Variants in PAM observed in about 807,000 individuals in gnomAD.
The protein encoded by PAM is peptidyl-glycine alpha-amidating monooxygenase.
In PAM, 72 loss-of-function variants were observed where a neutral mutation model predicts 122.1. That is an observed-to-expected ratio of 0.59 (90% CI 0.49 to 0.72). The LOEUF is 0.72. PAM is among the 30% of genes least tolerant of loss of function. The probability of loss-of-function intolerance (pLI) is 0.00; values close to 1 mark genes in which losing one functional copy is unlikely to be tolerated. For synonymous variants in PAM, 389 were observed against 404.4 expected, an observed-to-expected ratio of 0.96 and a Z score of 0.46; for missense variants, 1,106 against 1,183.7, an observed-to-expected ratio of 0.93 and a Z score of 0.96.
intron 23 of PAM, among the ~76,000 whole-genome samples, chr5:103,021,552 A>C (rs1001166402): frequency 6.6e-6 from 1 of 152,128 alleles, no homozygotes; most frequent in Non-Finnish European, 1.5e-5. Flanking sequence ...TTGGTCAGAA[A>C]CCTTCCGACT....
rs1381281913 is a variant in PAM at position 102,974,163 on chromosome 5, G to A, written c.1210G>A (p.Val404Ile). ...CAAGCTGCTAGGAGAAAGGGAAGAT[G>A]TTGTTCATGTGCACAAATATAATCC... ...LSKLLGERED[V>I]VHVHKYNPTE... Residue 404 changes from valine (V) to isoleucine (I), a missense_variant, in exon 15 of 26, where the codon GTT (valine) becomes ATT (isoleucine). Val to Ile is a conservative substitution (Grantham distance 29). Around this residue, in one of 3 missense-constraint regions of PAM, gnomAD observed 670 missense variants for 690.3 expected, o/e 0.97. Coordinates refer to ENST00000438793, the MANE Select transcript of PAM (RefSeq NM_001177306.2). 1.5e-5 allele frequency: 25 copies of A among 1,613,862 alleles called. No homozygotes were observed. The highest frequency in any genetic ancestry group is 1.9e-5 in the Non-Finnish European group (22 of 1,179,818).
chr5:102,965,162 GAC>G (rs66633444), intron 14 of PAM, among the ~76,000 whole-genome samples: 577 of 138,646 alleles, frequency 4.2e-3, no homozygotes, highest in East Asian at 0.014. Flanking sequence ...TTCCAAAGCA[GAC>G]ACACACACAC....
chr5:103,007,192 T>TACACACACACACACACACACACACAC (rs56140031), intron 19 of PAM, among the ~76,000 whole-genome samples, 181 bp downstream of exon 19: 43 of 141,550 alleles, frequency 3.0e-4, no homozygotes, highest in African/African-American at 8.0e-4. Flanking sequence ...CACATATACA[T>TACACACACACACACACACACACACAC]ACACACACAC....
rs1796515813 is a variant in PAM at position 102,897,416 on chromosome 5, A to G, written c.211-3940A>G. ...CCTATTGCATATATTTATGGTGTACATCATGCTGTTTTAATATTCATATAC... is the reference window on the plus strand; with the variant it reads ...CCTATTGCATATATTTATGGTGTACGTCATGCTGTTTTAATATTCATATAC... On this transcript the variant is annotated intron_variant, in intron 3 of 25. Coordinates refer to ENST00000438793, the MANE Select transcript of PAM (RefSeq NM_001177306.2). 2.0e-5 allele frequency among the ~76,000 whole-genome samples: 3 copies of G among 151,682 alleles called. No homozygotes were observed. In the South Asian group the frequency reaches 6.2e-4, roughly 31 times the overall value.
chr5:102,836,874 G>GAGAA (rs980187422), intron 1 of PAM, among the ~76,000 whole-genome samples: 3 of 151,452 alleles, frequency 2.0e-5, no homozygotes, highest in Non-Finnish European at 4.4e-5. Flanking sequence ...GAGAGAGAGA[G>GAGAA]AGAGAGAGAG....
At chr5:103,011,398 ACACTCT>A (rs1368577085) in intron 21 of PAM, among the ~76,000 whole-genome samples, 2 of 147,064 alleles carry the variant, frequency 1.4e-5, no homozygotes, top group Non-Finnish European at 2.9e-5. Flanking sequence ...ACACACACAC[ACACTCT>A]CTCTCTCTGT....
intron 1 of PAM, among the ~76,000 whole-genome samples, chr5:102,765,555 G>GCCGACTT (rs1753659101): frequency 6.6e-6 from 1 of 152,142 alleles, no homozygotes. Flanking sequence ...GCAAGCTTGG[G>GCCGACTT]CCGACTTCAT....
chr5:102,883,449 C>G (rs996004824), intron 3 of PAM, among the ~76,000 whole-genome samples: 2 of 151,742 alleles, frequency 1.3e-5, no homozygotes, highest in African/African-American at 4.8e-5. Flanking sequence ...AAATATATTC[C>G]TAAGTATTTT....
intron 1 of PAM, among the ~76,000 whole-genome samples, chr5:102,776,179 TG>T (rs766381874): frequency 2.0e-5 from 3 of 152,122 alleles, no homozygotes; most frequent in Non-Finnish European, 4.4e-5. Flanking sequence ...CACTTTTTGA[TG>T]GGGTTGTTTT....
At position 102,886,967 on chromosome 5, in the gene PAM, T is replaced by C. The variant is rs1303307168; in HGVS notation, c.211-14389T>C. 2.6e-5 allele frequency among the ~76,000 whole-genome samples: 4 copies of C among 152,110 alleles called. No individual in the cohort carries two copies. In the East Asian group the frequency reaches 7.7e-4, roughly 29 times the overall value. ...AATACAGGTAGGAAAGTAAGTTGGATGATGACCCATATAGTATCAAAAAGA... is the reference window on the plus strand; with the variant it reads ...AATACAGGTAGGAAAGTAAGTTGGACGATGACCCATATAGTATCAAAAAGA... On this transcript the variant is annotated intron_variant, in intron 3 of 25. Coordinates refer to ENST00000438793, the MANE Select transcript of PAM (RefSeq NM_001177306.2).
intron 5 of PAM, among the ~76,000 whole-genome samples, chr5:102,918,770 A>G (rs528933521): frequency 1.3e-5 from 2 of 152,090 alleles, no homozygotes; most frequent in East Asian, 3.9e-4. Context: ...AGGCTTGTGC[A>G]TTTTTTATTC....
intron 1 of PAM, among the ~76,000 whole-genome samples, chr5:102,854,891 G>A (rs922293638): frequency 6.6e-6 from 1 of 152,158 alleles, no homozygotes; most frequent in Non-Finnish European, 1.5e-5. Context: ...GGAATTTGGG[G>A]ACACTGATCA....
chr5:102,781,213 T>G (rs761072082), intron 1 of PAM, among the ~76,000 whole-genome samples: 1 of 152,178 alleles, frequency 6.6e-6, no homozygotes, highest in Non-Finnish European at 1.5e-5. Context: ...ATTACTCATT[T>G]TTTTGGGTCA....
At chr5:102,923,077 C>G (rs960732631) in intron 5 of PAM, among the ~76,000 whole-genome samples, 4 of 152,218 alleles carry the variant, frequency 2.6e-5, no homozygotes, top group African/African-American at 9.6e-5. Context: ...TACACAATCT[C>G]TTTCTACAGC....
rs200368832 is a variant in PAM at position 102,951,400 on chromosome 5, TC to T, written c.905+581del. On this transcript the variant is annotated intron_variant, in intron 12 of 25. Transcript: ENST00000438793. ...AATTTTCAAAGCACTATGAACTCTT[TC>T]AAAAAAAACTTACCTAAATGAAAAA... Among the ~76,000 whole-genome samples the T allele has an allele frequency of 5.0e-3, 756 of 152,156 alleles. 6 individuals carry two copies. Among genetic ancestry groups the T allele is most frequent in the African/African-American group, 0.017 (721 of 41,546 alleles).
chr5:102,828,716 A>G (rs1774411709), intron 1 of PAM, among the ~76,000 whole-genome samples: 1 of 152,188 alleles, frequency 6.6e-6, no homozygotes, highest in East Asian at 1.9e-4. Flanking sequence ...AGAAATGTAA[A>G]TGTCAGTGTG....
At chr5:102,777,898 G>A (rs1757606661) in intron 1 of PAM, among the ~76,000 whole-genome samples, 1 of 152,098 alleles carries the variant, frequency 6.6e-6, no homozygotes, top group South Asian at 2.1e-4. Context: ...ATTAACATGG[G>A]GTGGTTCTAT....
At chr5:102,774,525 A>T (rs1756648058) in intron 1 of PAM, among the ~76,000 whole-genome samples, 1 of 152,102 alleles carries the variant, frequency 6.6e-6, no homozygotes, top group Non-Finnish European at 1.5e-5. Context: ...TAGAAAGCAG[A>T]TAGAAAGCAG....
intron 24 of PAM, among the ~76,000 whole-genome samples, chr5:103,025,853 GA>G: frequency 6.6e-6 from 1 of 152,100 alleles, no homozygotes; most frequent in Non-Finnish European, 1.5e-5. Context: ...GTACAAAGAT[GA>G]AATAATGTAC....
Sources: gnomAD v4.1 joint callset for allele counts (sites outside exome capture counted in the v4.1 genomes callset) on GRCh38, gnomAD v4.1.1 for gene constraint, gnomAD v4.1.1 regional missense constraint, MANE v1.5 for transcripts, NCBI Gene and HGNC (gene_info 2026-07-23, HGNC 2026-07-21) for gene names.